MAK: variants seen among roughly 807,000 people sequenced by gnomAD.
MAK encodes serine/threonine-protein kinase MAK.
In MAK, 65 loss-of-function variants were observed where a neutral mutation model predicts 82.6. The observed-to-expected ratio is 0.79, with a 90% confidence interval of 0.64 to 0.97. MAK has a LOEUF of 0.97. Ranked by LOEUF, MAK falls within the 50% of genes least tolerant of loss-of-function variation. MAK has a pLI of 0.00. For synonymous variants in MAK, 250 were observed against 274.2 expected, an observed-to-expected ratio of 0.91 and a Z score of 0.87; for missense variants, 703 against 780.2, an observed-to-expected ratio of 0.90 and a Z score of 1.18.
intron 10 of MAK, chr6:10,784,924 A>T (rs1015404400): frequency 1.5e-5 from 7 of 480,440 alleles, no homozygotes; most frequent in Non-Finnish European, 2.9e-5. Context: ...TCACCTGTTG[A>T]CTAAAATAAT....
chr6:10,838,254 G>A (rs1289307682), intron 1 of MAK: 1 of 152,362 alleles, frequency 6.6e-6, no homozygotes, highest in Non-Finnish European at 1.5e-5. Context: ...CAAGAGGTCT[G>A]GGAGACACCG....
chr6:10,827,253 C>A (rs1778445028), intron 2 of MAK, among the ~76,000 whole-genome samples: 1 of 152,080 alleles, frequency 6.6e-6, no homozygotes, highest in Non-Finnish European at 1.5e-5. Context: ...GACCCAACAC[C>A]CCTTCTGATT....
At chr6:10,828,667 C>T (rs1057271602) in intron 2 of MAK, among the ~76,000 whole-genome samples, 10 of 152,136 alleles carry the variant, frequency 6.6e-5, no homozygotes, top group South Asian at 2.1e-4. Context: ...TTGTGGTACA[C>T]GCCTACAGTC....
chr6:10,765,414 A>G (rs1211458894), intron 14 of MAK, among the ~76,000 whole-genome samples: 2 of 148,496 alleles, frequency 1.3e-5, no homozygotes, highest in Non-Finnish European at 3.0e-5. Flanking sequence ...CTTTTTAAAC[A>G]TTAAAATGTG....
intron 10 of MAK, chr6:10,784,852 C>T (rs749398267): frequency 2.1e-5 from 12 of 567,082 alleles, no homozygotes; most frequent in African/African-American, 3.7e-5. Flanking sequence ...TGTCCTGCAA[C>T]GGCTGCAGTT....
chr6:10,784,600 C>A, intron 10 of MAK, 28 bp from the exon 11 acceptor site: 2 of 1,522,480 alleles, frequency 1.3e-6, no homozygotes, highest in Non-Finnish European at 1.8e-6. Flanking sequence ...GGTAGCATTA[C>A]AGCACGAACA....
At chr6:10,787,190 C>T (rs1410503877) in intron 10 of MAK, among the ~76,000 whole-genome samples, 1 of 152,088 alleles carries the variant, frequency 6.6e-6, no homozygotes, top group South Asian at 2.1e-4. Flanking sequence ...CGCTAATTCA[C>T]CAGTTCACCT....
intron 6 of MAK, among the ~76,000 whole-genome samples, chr6:10,806,326 T>C (rs1389915890): frequency 6.7e-6 from 1 of 150,218 alleles, no homozygotes; most frequent in African/African-American, 2.4e-5. Flanking sequence ...CCACCATGCC[T>C]GGCTAATTTT....
chr6:10,777,028 A>T (rs1047260603), intron 11 of MAK, among the ~76,000 whole-genome samples: 4 of 152,074 alleles, frequency 2.6e-5, no homozygotes, highest in Non-Finnish European at 4.4e-5. Context: ...AGCCTGGGCA[A>T]CAGAGTGAGA....
intron 10 of MAK, chr6:10,784,830 C>G: frequency 1.6e-6 from 1 of 618,750 alleles, no homozygotes. Flanking sequence ...TTGTGTGTAA[C>G]ATGTTTCTAT....
At chr6:10,804,380 T>C (rs1004200500) in intron 6 of MAK, among the ~76,000 whole-genome samples, 3 of 152,200 alleles carry the variant, frequency 2.0e-5, no homozygotes, top group Non-Finnish European at 4.4e-5. Context: ...TTTGCTCTTG[T>C]TGCCCAGGCT....
At chr6:10,818,004 TAAAAA>T (rs746127207) in intron 3 of MAK, 33 bp from the exon 4 acceptor site, 2 of 1,356,158 alleles carry the variant, frequency 1.5e-6, no homozygotes, top group Non-Finnish European at 2.0e-6. Context: ...TAAAATTTCT[TAAAAA>T]AAACTTACAG....
At chr6:10,795,823 T>C (rs188856849) in intron 9 of MAK, among the ~76,000 whole-genome samples, 175 bp downstream of exon 9, 1 of 152,346 alleles carries the variant, frequency 6.6e-6, no homozygotes, top group African/African-American at 2.4e-5. Context: ...TTTCTTTTTA[T>C]AAACCATATT....
chr6:10,767,602 G>T (rs1045384979), intron 14 of MAK, among the ~76,000 whole-genome samples: 1 of 151,834 alleles, frequency 6.6e-6, no homozygotes, highest in African/African-American at 2.4e-5. Flanking sequence ...TCAAGAGATC[G>T]AGATCATCCT....
chr6:10,806,505 A>ATTTTTTTTTTTTTT (rs70991049), intron 6 of MAK, among the ~76,000 whole-genome samples: 16 of 117,122 alleles, frequency 1.4e-4, no homozygotes, highest in African/African-American at 3.7e-4. Flanking sequence ...CACCCGTCTA[A>ATTTTTTTTTTTTTT]TTTTTTTTTT....
chr6:10,829,843 CTTT>C (rs1213826186), intron 2 of MAK, among the ~76,000 whole-genome samples: 1 of 147,052 alleles, frequency 6.8e-6, no homozygotes, highest in Non-Finnish European at 1.5e-5. Context: ...CGTATATATT[CTTT>C]TTTTTTTTGA....
intron 10 of MAK, among the ~76,000 whole-genome samples, chr6:10,788,095 A>AT (rs1774746176): frequency 4.0e-5 from 6 of 151,592 alleles, no homozygotes; most frequent in Admixed American, 3.9e-4. Flanking sequence ...AGCTCAAGCA[A>AT]TCCTCTCACC....
chr6:10,781,098 C>T (rs563930065), intron 11 of MAK, among the ~76,000 whole-genome samples: 34 of 152,270 alleles, frequency 2.2e-4, no homozygotes, highest in African/African-American at 7.5e-4. Flanking sequence ...CTCCTCTACA[C>T]GCAAACCTGC....
intron 8 of MAK, among the ~76,000 whole-genome samples, chr6:10,801,223 T>TA (rs1246770864): frequency 1.3e-5 from 2 of 152,190 alleles, no homozygotes; most frequent in African/African-American, 4.8e-5. Flanking sequence ...AGATTAATTT[T>TA]AAAAAAAGCA....
Sources: gnomAD v4.1 joint callset for allele counts (sites outside exome capture counted in the v4.1 genomes callset) on GRCh38, gnomAD v4.1.1 for gene constraint, MANE v1.5 for transcripts, NCBI Gene and HGNC (gene_info 2026-07-23, HGNC 2026-07-21) for gene names.